ANKRD44: variants seen among roughly 807,000 people sequenced by gnomAD.
ANKRD44 encodes ankyrin repeat domain 44, also known as serine/threonine-protein phosphatase 6 regulatory ankyrin repeat subunit B.
Under a neutral mutation model 116.0 loss-of-function variants are expected in ANKRD44, and 35 were observed. That is an observed-to-expected ratio of 0.30 (90% CI 0.23 to 0.40). The LOEUF (loss-of-function observed/expected upper bound fraction) is 0.40. Among genes scored for constraint, ANKRD44 ranks in the 10% least tolerant of loss-of-function variants. ANKRD44 has a pLI of 1.00. For synonymous variants in ANKRD44, 435 were observed against 461.8 expected, an observed-to-expected ratio of 0.94 and a Z score of 0.74; for missense variants, 1,014 against 1,242.6, an observed-to-expected ratio of 0.82 and a Z score of 2.77.
At chr2:197,303,082 T>A (rs1174626680) in intron 1 of ANKRD44, among the ~76,000 whole-genome samples, 1 of 152,184 alleles carries the variant, frequency 6.6e-6, no homozygotes, top group Non-Finnish European at 1.5e-5. Flanking sequence ...CTCCTGGAGA[T>A]GCCAGAAGAC....
intron 22 of ANKRD44, among the ~76,000 whole-genome samples, 156 bp downstream of exon 22, chr2:197,001,597 A>G (rs1214809327): frequency 2.0e-5 from 3 of 152,210 alleles, no homozygotes; most frequent in Non-Finnish European, 4.4e-5. Context: ...AAAATCATTA[A>G]TATTTTGCTA....
chr2:197,174,194 C>T (rs2080309555), intron 2 of ANKRD44, among the ~76,000 whole-genome samples: 1 of 152,014 alleles, frequency 6.6e-6, no homozygotes, highest in South Asian at 2.1e-4. Context: ...TGGTAAAATA[C>T]ACATAACATA....
chr2:197,231,730 T>C (rs1247769439), intron 1 of ANKRD44, among the ~76,000 whole-genome samples: 1 of 151,884 alleles, frequency 6.6e-6, no homozygotes, highest in Non-Finnish European at 1.5e-5. Context: ...GCCCATAATG[T>C]CAGCAGTGCC....
At chr2:197,227,118 T>C (rs772084772) in intron 1 of ANKRD44, among the ~76,000 whole-genome samples, 6 of 152,216 alleles carry the variant, frequency 3.9e-5, no homozygotes, top group Non-Finnish European at 5.9e-5. Context: ...ATGGTTTTCT[T>C]TATTGCTTCT....
At position 197,176,962 on chromosome 2, in the gene ANKRD44, G is replaced by C. The variant is rs184495677; in HGVS notation, c.111+10061C>G. Among the ~76,000 whole-genome samples the C allele has an allele frequency of 3.3e-5, 5 of 152,256 alleles. No homozygotes were observed. In the East Asian group the frequency reaches 9.6e-4, roughly 29 times the overall value. On this transcript the variant is annotated intron_variant, in intron 2 of 27. Coordinates refer to ENST00000282272, the MANE Select transcript of ANKRD44 (RefSeq NM_001195144.2). Reference sequence around the variant, plus strand: ...TAATACATCTACAAACTTACAGTTGGAAGGCCCTCTGGCTGTCATAATCAT... The same window carrying C: ...TAATACATCTACAAACTTACAGTTGCAAGGCCCTCTGGCTGTCATAATCAT...
intron 17 of ANKRD44, among the ~76,000 whole-genome samples, chr2:197,016,851 T>C (rs1277521660): frequency 6.6e-6 from 1 of 152,142 alleles, no homozygotes; most frequent in African/African-American, 2.4e-5. Flanking sequence ...CAAGATACAA[T>C]TTGTTTGAAA....
intron 1 of ANKRD44, among the ~76,000 whole-genome samples, chr2:197,278,297 T>C (rs994077307): frequency 9.9e-5 from 11 of 111,590 alleles, no homozygotes; most frequent in African/African-American, 1.6e-4. Context: ...GAAATCCATC[T>C]TTTTTTCTGT....
intron 4 of ANKRD44, among the ~76,000 whole-genome samples, chr2:197,126,239 T>C (rs2078971976): frequency 1.3e-5 from 2 of 152,190 alleles, no homozygotes; most frequent in African/African-American, 4.8e-5. Flanking sequence ...CCTTTCTTTG[T>C]CAAGCCAAGA....
chr2:197,035,959 A>G (rs2076798919), intron 16 of ANKRD44, among the ~76,000 whole-genome samples: 1 of 152,054 alleles, frequency 6.6e-6, no homozygotes, highest in South Asian at 2.1e-4. Flanking sequence ...GTGGACCCCC[A>G]GTCTTTCTGC....
intron 16 of ANKRD44, among the ~76,000 whole-genome samples, chr2:197,064,696 G>C (rs1050894663): frequency 6.6e-6 from 1 of 152,096 alleles, no homozygotes; most frequent in Non-Finnish European, 1.5e-5. Context: ...AAGATCAAAA[G>C]AGACAAAGAA....
intron 1 of ANKRD44, among the ~76,000 whole-genome samples, chr2:197,276,145 C>T (rs1325430369): frequency 1.3e-5 from 2 of 151,734 alleles, no homozygotes; most frequent in East Asian, 1.9e-4. Context: ...CATGGTGGCA[C>T]GCACCTGTAA....
chr2:197,308,173 A>G (rs554157728), intron 1 of ANKRD44, among the ~76,000 whole-genome samples: 14 of 124,354 alleles, frequency 1.1e-4, no homozygotes, highest in Non-Finnish European at 2.1e-4. Context: ...ACACACACAC[A>G]AAAAAAAAAA....
intron 1 of ANKRD44, among the ~76,000 whole-genome samples, chr2:197,280,236 A>C (rs2083224533): frequency 6.6e-6 from 1 of 152,308 alleles, no homozygotes; most frequent in South Asian, 2.1e-4. Flanking sequence ...AATAGGCAAC[A>C]GGAGAATGAA....
intron 1 of ANKRD44, among the ~76,000 whole-genome samples, chr2:197,265,401 A>C (rs1411005520): frequency 6.6e-6 from 1 of 151,892 alleles, no homozygotes; most frequent in African/African-American, 2.4e-5. Flanking sequence ...GGTGCGTCAC[A>C]GCACCAGCTA....
intron 17 of ANKRD44, 91 bp from the exon 18 acceptor site, chr2:197,013,803 G>T (rs2076339544): frequency 2.3e-6 from 3 of 1,310,614 alleles, no homozygotes; most frequent in Non-Finnish European, 3.3e-6. Context: ...CCTGGGCCAT[G>T]GATAGAGACC....
chr2:197,298,674 G>A (rs2083798389), intron 1 of ANKRD44, among the ~76,000 whole-genome samples: 1 of 152,168 alleles, frequency 6.6e-6, no homozygotes, highest in Admixed American at 6.5e-5. Context: ...TGTAATCTCA[G>A]CACTTTGGAA....
chr2:197,227,496 A>G (rs1367177392), intron 1 of ANKRD44, among the ~76,000 whole-genome samples: 1 of 152,192 alleles, frequency 6.6e-6, no homozygotes, highest in African/African-American at 2.4e-5. Context: ...TGAAGGTGTG[A>G]AAACTCCTCA....
At chr2:197,030,868 G>A (rs182887359) in intron 16 of ANKRD44, among the ~76,000 whole-genome samples, 1 of 152,054 alleles carries the variant, frequency 6.6e-6, no homozygotes, top group Admixed American at 6.6e-5. Context: ...GTAGAGATGC[G>A]GTCTCACTAT....
In ANKRD44 at chr2:197,306,696, C is replaced by T. The variant is rs1358514942; in HGVS notation, c.27+3882G>A. Among the ~76,000 whole-genome samples the T allele has an allele frequency of 3.3e-5, 5 of 152,164 alleles. No homozygotes were observed. In the East Asian group the frequency reaches 7.7e-4, roughly 23 times the overall value. ...GTAAAATATGTAACACGTCCCAAGG[C>T]CCCACACTATGGGCTAGAAATCCTG... On this transcript the variant is annotated intron_variant, in intron 1 of 27. Coordinates refer to ENST00000282272, the MANE Select transcript of ANKRD44 (RefSeq NM_001195144.2).
Sources: gnomAD v4.1 joint callset for allele counts (sites outside exome capture counted in the v4.1 genomes callset) on GRCh38, gnomAD v4.1.1 for gene constraint, MANE v1.5 for transcripts, NCBI Gene and HGNC (gene_info 2026-07-23, HGNC 2026-07-21) for gene names.